The following GPBP1 variants were observed in gnomAD, a reference collection of about 807,000 sequenced individuals.
The protein encoded by GPBP1 is vasculin.
Under a neutral mutation model 56.5 loss-of-function variants are expected in GPBP1, and 13 were observed. That is an observed-to-expected ratio of 0.23 (90% CI 0.15 to 0.37). The LOEUF is 0.37. Among genes scored for constraint, GPBP1 ranks in the 10% least tolerant of loss-of-function variants. The pLI is 1.00. For missense variants in GPBP1, 477 were observed against 572.3 expected (o/e 0.83, Z 1.70); for synonymous variants, 204 against 188.9 (o/e 1.08, Z -0.66).
At chr5:57,197,483 A>G (rs1031583572) in intron 2 of GPBP1, among the ~76,000 whole-genome samples, 4 of 145,570 alleles carry the variant, frequency 2.7e-5, no homozygotes, top group South Asian at 2.2e-4. Flanking sequence ...TCAGCCTCCC[A>G]AGTAGCTGGG....
At chr5:57,247,308 A>G (rs1265457630) in intron 8 of GPBP1, 93 bp downstream of exon 8, 1 of 1,010,064 alleles carries the variant, frequency 9.9e-7, no homozygotes. Flanking sequence ...AAATGAATAC[A>G]TTAAAATGAG....
chr5:57,200,195 T>A (rs1754950280), intron 2 of GPBP1, among the ~76,000 whole-genome samples: 1 of 148,226 alleles, frequency 6.7e-6, no homozygotes, highest in Admixed American at 6.7e-5. Context: ...TTTCTTTCGT[T>A]TTAGAATTAT....
chr5:57,224,417 A>G lies in GPBP1; in HGVS notation c.64-6429A>G, dbSNP rs1301160729. Among the ~76,000 whole-genome samples, 21 of 151,134 alleles carry G rather than the reference A, an allele frequency of 1.4e-4. No homozygotes were observed. The East Asian group carries it at 3.9e-3, about 28-fold the overall frequency. Reference sequence around the variant, plus strand: ...GCCACCATGCCCGGCTAATTTTTGTATTTTTAGTAGAGACGGGGTTTCACC... The same window carrying G: ...GCCACCATGCCCGGCTAATTTTTGTGTTTTTAGTAGAGACGGGGTTTCACC... On this transcript the variant is annotated intron_variant, in intron 3 of 11. Transcript: ENST00000506184.
chr5:57,200,140 T>G (rs1490703142), intron 2 of GPBP1, among the ~76,000 whole-genome samples: 1 of 38,716 alleles, frequency 2.6e-5, no homozygotes, highest in African/African-American at 1.0e-4. Flanking sequence ...GCCCCGCCCC[T>G]CCCCTCCCCT....
At chr5:57,199,918 GT>G (rs991779105) in intron 2 of GPBP1, among the ~76,000 whole-genome samples, 41 of 140,690 alleles carry the variant, frequency 2.9e-4, no homozygotes, top group Middle Eastern at 3.7e-3. Context: ...TTTAACAGTG[GT>G]TTTTTTTTTT....
At chr5:57,196,725 T>TGGGACCACAG (rs1394478006) in intron 2 of GPBP1, among the ~76,000 whole-genome samples, 1 of 152,098 alleles carries the variant, frequency 6.6e-6, no homozygotes, top group Non-Finnish European at 1.5e-5. Flanking sequence ...CCCAAGTAGC[T>TGGGACCACAG]GGGACCACAG....
At position 57,247,092 on chromosome 5, in the gene GPBP1, C is replaced by A; in HGVS notation, c.681C>A (p.Ser227Arg). 1 of 1,612,738 alleles carries A rather than the reference C, an allele frequency of 6.2e-7. No homozygotes were observed. The highest frequency in any genetic ancestry group is 8.5e-7 in the Non-Finnish European group (1 of 1,179,424). Reference sequence around the variant, plus strand: ...TTCTTTAGCCTACACAATGGAAAAGCCAAACAAAAGAAAATAAAGTTGGAA... The same window carrying A: ...TTCTTTAGCCTACACAATGGAAAAGACAAACAAAAGAAAATAAAGTTGGAA... ...APPTKPTQWK[S>R]QTKENKVGTS... The change falls in exon 8 of 12, where the codon AGC (serine) becomes AGA (arginine). Residue 227 changes from serine to arginine, a missense_variant. By Grantham distance (110) the Ser-to-Arg change is moderately radical. Coordinates refer to ENST00000506184, the MANE Select transcript of GPBP1 (RefSeq NM_022913.4).
intron 6 of GPBP1, among the ~76,000 whole-genome samples, chr5:57,243,982 C>T (rs1740959639): frequency 1.3e-5 from 2 of 152,122 alleles, no homozygotes; most frequent in South Asian, 4.1e-4. Context: ...AGCCACCACA[C>T]CCAGCCTACT....
At chr5:57,238,223 A>G (rs1297194335) in intron 6 of GPBP1, among the ~76,000 whole-genome samples, 1 of 152,200 alleles carries the variant, frequency 6.6e-6, no homozygotes, top group African/African-American at 2.4e-5. Context: ...TGAGGAAGAA[A>G]GAGTGATGTA....
At chr5:57,181,343 A>G (rs1401968095) in intron 2 of GPBP1, among the ~76,000 whole-genome samples, 2 of 151,874 alleles carry the variant, frequency 1.3e-5, no homozygotes, top group East Asian at 1.9e-4. Context: ...TCAAAAATGA[A>G]TAAGAATTAA....
chr5:57,243,370 C>A (rs1231863240), intron 6 of GPBP1, among the ~76,000 whole-genome samples: 1 of 151,968 alleles, frequency 6.6e-6, no homozygotes. Flanking sequence ...TGGCCTAATA[C>A]GAATTCTTAA....
chr5:57,238,907 TA>T (rs1398668122), intron 6 of GPBP1, among the ~76,000 whole-genome samples: 1 of 152,222 alleles, frequency 6.6e-6, no homozygotes, highest in Non-Finnish European at 1.5e-5. Context: ...AGTCACCAGT[TA>T]ATATAAATGG....
chr5:57,221,465 A>G, intron 3 of GPBP1: 1 of 945,162 alleles, frequency 1.1e-6, no homozygotes, highest in Non-Finnish European at 1.6e-6. Context: ...TCCATTTGTT[A>G]TGCTAGGAAG....
At chr5:57,192,416 T>G (rs1754565955) in intron 2 of GPBP1, among the ~76,000 whole-genome samples, 1 of 152,112 alleles carries the variant, frequency 6.6e-6, no homozygotes, top group Admixed American at 6.6e-5. Flanking sequence ...TTTTGTACTT[T>G]TTGACACAGC....
intron 6 of GPBP1, chr5:57,237,393 A>C: frequency 4.0e-6 from 2 of 506,310 alleles, no homozygotes; most frequent in Non-Finnish European, 7.1e-6. Flanking sequence ...TAATCTTAGA[A>C]ATGATTTAGA....
chr5:57,252,531 C>G (rs985937654), intron 10 of GPBP1, among the ~76,000 whole-genome samples: 13 of 152,172 alleles, frequency 8.5e-5, no homozygotes, highest in African/African-American at 3.1e-4. Context: ...GCTGGGACCA[C>G]AGGTGTGCAC....
At chr5:57,196,010 T>TAAAAAAAAAAA (rs1754731669) in intron 2 of GPBP1, among the ~76,000 whole-genome samples, 1 of 135,114 alleles carries the variant, frequency 7.4e-6, no homozygotes, top group African/African-American at 2.8e-5. Context: ...AAAAAAATTT[T>TAAAAAAAAAAA]TTTTTTTTGT....
chr5:57,248,043 A>G (rs2111926881), intron 8 of GPBP1, among the ~76,000 whole-genome samples: 1 of 152,322 alleles, frequency 6.6e-6, no homozygotes, highest in South Asian at 2.1e-4. Flanking sequence ...CACCTGGACC[A>G]AGAGTAATTT....
At position 57,262,674 on chromosome 5, in the gene GPBP1, C is replaced by T; in HGVS notation, c.1344C>T (p.Asn448=). 2 of 1,613,532 alleles carry T rather than the reference C, an allele frequency of 1.2e-6. No individual in the cohort carries two copies. Among genetic ancestry groups the T allele is most frequent in the South Asian group, 1.1e-5 (1 of 91,066 alleles). Residue 448 remains asparagine, a synonymous_variant, in exon 12 of 12, where the codon AAC becomes AAT. Coordinates refer to ENST00000506184, the MANE Select transcript of GPBP1 (RefSeq NM_022913.4). ...ICDFKFGPWK[N]STFKPTTEND... ...ACTTCAAGTTTGGACCGTGGAAGAACAGCACTTTCAAACCCACAACTGAGA... is the reference window on the plus strand; with the variant it reads ...ACTTCAAGTTTGGACCGTGGAAGAATAGCACTTTCAAACCCACAACTGAGA...
Sources: gnomAD v4.1 joint callset for allele counts (sites outside exome capture counted in the v4.1 genomes callset) on GRCh38, gnomAD v4.1.1 for gene constraint, MANE v1.5 for transcripts, NCBI Gene and HGNC (gene_info 2026-07-23, HGNC 2026-07-21) for gene names.